The following STYXL1 variants were observed in gnomAD, a reference collection of about 807,000 sequenced individuals.
STYXL1 encodes serine/threonine/tyrosine interacting like 1.
Under a neutral mutation model 36.4 loss-of-function variants are expected in STYXL1, and 32 were observed. That is an observed-to-expected ratio of 0.88 (90% confidence interval 0.66 to 1.18). The LOEUF (loss-of-function observed/expected upper bound fraction) is 1.18. STYXL1 is among the 50% of genes most tolerant of loss of function. The probability of loss-of-function intolerance (pLI) is 0.00; values close to 1 mark genes in which losing one functional copy is unlikely to be tolerated. For synonymous variants in STYXL1, 133 were observed against 144.1 expected (o/e 0.92, Z 0.55); for missense variants, 354 against 394.1 (o/e 0.90, Z 0.86).
At position 76,017,866 on chromosome 7, in the gene STYXL1, C is replaced by CAAAAAAA. The variant is rs71082374; in HGVS notation, c.307+3978_308-3980dup. Among the ~76,000 whole-genome samples the CAAAAAAA allele has an allele frequency of 2.0e-3, 21 of 10,362 alleles. 3 individuals are homozygous for CAAAAAAA. Among genetic ancestry groups the CAAAAAAA allele is most frequent in the East Asian group, 0.015 (3 of 198 alleles). 6.8% of individuals were successfully genotyped at this position (10,362 alleles called of 152,430 possible). ...GGGCAACAAGAGCAAAACTCCATCT[C>CAAAAAAA]AAAAAAAAAAAAAAAGGCAAGACAG... On this transcript the variant is annotated intron_variant, in intron 4 of 8. Coordinates refer to ENST00000359697, the MANE Select transcript of STYXL1 (RefSeq NM_001317785.2).
Position 76,028,708 on chromosome 7 carries a change from A to T in STYXL1, c.104-5T>A, listed in dbSNP as rs548628025. On this transcript the variant is annotated splice_region_variant and splice_polypyrimidine_tract_variant and intron_variant, in intron 2 of 8. Transcript: ENST00000359697. ...ACTCCCATTTGGAACGGACATCTGG[A>T]AAGGAAACGTATTTAAGAACTGAAT... 1 of 1,614,010 alleles carries T rather than the reference A, an allele frequency of 6.2e-7. No homozygotes were observed. The highest frequency in any genetic ancestry group is 2.2e-5 in the East Asian group (1 of 44,888).
At chr7:76,014,176 T>A (rs930669268) in intron 4 of STYXL1, among the ~76,000 whole-genome samples, 1 of 151,772 alleles carries the variant, frequency 6.6e-6, no homozygotes, top group African/African-American at 2.4e-5. Flanking sequence ...GGTTTCACCA[T>A]GTTTGCCAGC....
chr7:76,026,759 AG>A (rs1449293974), intron 3 of STYXL1, among the ~76,000 whole-genome samples: 1 of 152,358 alleles, frequency 6.6e-6, no homozygotes, highest in East Asian at 1.9e-4. Context: ...CCAAAGAGAT[AG>A]AAAATAAACC....
At chr7:76,021,767 T>C (rs6467975) in intron 4 of STYXL1, 84 bp downstream of exon 4, 63,185 of 988,212 alleles carry the variant, frequency 0.064, 4,716 homozygotes, top group African/African-American at 0.3. Flanking sequence ...TCCCGTGCCA[T>C]GGGCATATGA....
intron 5 of STYXL1, among the ~76,000 whole-genome samples, chr7:76,009,728 T>C (rs528328166): frequency 6.6e-6 from 1 of 152,288 alleles, no homozygotes; most frequent in East Asian, 1.9e-4. Flanking sequence ...AATTTTTGTG[T>C]AAACAAGGTC....
chr7:76,035,076 C>T (rs1795788446), intron 1 of STYXL1, among the ~76,000 whole-genome samples: 1 of 150,184 alleles, frequency 6.7e-6, no homozygotes, highest in African/African-American at 2.4e-5. Context: ...CACCATGATC[C>T]ACCCAGTTGC....
intron 4 of STYXL1, among the ~76,000 whole-genome samples, chr7:76,014,166 G>A (rs1792964207): frequency 6.6e-6 from 1 of 151,610 alleles, no homozygotes; most frequent in Admixed American, 6.6e-5. Flanking sequence ...GTATAGACAG[G>A]GTTTCACCAT....
At chr7:76,032,702 A>G (rs1795505385) in intron 1 of STYXL1, among the ~76,000 whole-genome samples, 1 of 152,104 alleles carries the variant, frequency 6.6e-6, no homozygotes, top group South Asian at 2.1e-4. Flanking sequence ...TTTGTCTCAA[A>G]AAAACAAACA....
intron 3 of STYXL1, among the ~76,000 whole-genome samples, chr7:76,027,525 G>A (rs542560023): frequency 3.3e-5 from 5 of 151,706 alleles, no homozygotes; most frequent in Non-Finnish European, 5.9e-5. Context: ...TCAGGAGGCT[G>A]AGATAGGAGG....
intron 1 of STYXL1, chr7:76,044,748 C>T (rs1563531941): frequency 6.6e-6 from 1 of 152,270 alleles, no homozygotes; most frequent in Non-Finnish European, 1.5e-5. Flanking sequence ...TGCAGTGGCA[C>T]AATCATGGCT....
intron 1 of STYXL1, among the ~76,000 whole-genome samples, chr7:76,037,234 T>C (rs782504010): frequency 6.7e-6 from 1 of 150,354 alleles, no homozygotes; most frequent in Non-Finnish European, 1.5e-5. Flanking sequence ...TAAGCCACCA[T>C]GCCCAGCCCA....
chr7:75,999,698 C>A (rs1336602841), intron 8 of STYXL1, among the ~76,000 whole-genome samples: 1 of 151,974 alleles, frequency 6.6e-6, no homozygotes, highest in African/African-American at 2.4e-5. Flanking sequence ...CAGGCACGCA[C>A]CACCACGCCC....
chr7:76,036,782 C>CTTTTTTT (rs71082378), intron 1 of STYXL1, among the ~76,000 whole-genome samples: 1 of 101,614 alleles, frequency 9.8e-6, no homozygotes. Flanking sequence ...CAGTATAGCT[C>CTTTTTTT]TTTTTTTTTT....
chr7:76,003,700 T>C, intron 7 of STYXL1, 58 bp downstream of exon 7: 1 of 1,495,256 alleles, frequency 6.7e-7, no homozygotes. Context: ...GAGGCTCCAC[T>C]GCCCCTCTGC....
In STYXL1 at chr7:75,999,511, ATGTGTGTG is replaced by A. The variant is rs71301271; in HGVS notation, c.810+1371_810+1378del. ...TTTTGTTGTGTGTGTGTGTGTGTGT[ATGTGTGTG>A]TGTGTGTGTGTGTGTGTGTGTGTGT... On this transcript the variant is annotated intron_variant, in intron 8 of 8. Transcript: ENST00000359697. 4.2e-4 allele frequency among the ~76,000 whole-genome samples: 40 copies of A among 95,972 alleles called. No individual in the cohort carries two copies. The South Asian group carries it at 0.01, about 24-fold the overall frequency. The allele number at this position is 95,972 out of a possible 152,430, so 63.0% of individuals were successfully genotyped here. A position where few individuals can be genotyped will look rare whatever the true frequency, so the allele number is the denominator to read the frequency against.
intron 4 of STYXL1, among the ~76,000 whole-genome samples, chr7:76,014,543 G>A (rs1793013791): frequency 6.6e-6 from 1 of 151,800 alleles, no homozygotes; most frequent in Non-Finnish European, 1.5e-5. Context: ...TGTAGAGACA[G>A]TGTCTCACTT....
chr7:76,011,555 C>T (rs1428019399), intron 5 of STYXL1, among the ~76,000 whole-genome samples: 2 of 152,200 alleles, frequency 1.3e-5, no homozygotes, highest in South Asian at 2.1e-4. Context: ...AATCTGCTCA[C>T]GATGTTGCTA....
chr7:76,036,000 C>A lies in STYXL1; in HGVS notation c.-4-5473G>T, dbSNP rs1795872151. 1.3e-5 allele frequency among the ~76,000 whole-genome samples: 2 copies of A among 149,908 alleles called. 1 individual carries two copies. The highest frequency in any genetic ancestry group is 4.4e-4 in the South Asian group (2 of 4,550). The stretch of plus-strand genomic sequence containing the variant: ...GCATGATTCCAAGAGAAGATGCATC[C>A]CTGTGAACTGAAATTAGGGCACCTC... On this transcript the variant is annotated intron_variant, in intron 1 of 8. Coordinates refer to ENST00000359697, the MANE Select transcript of STYXL1 (RefSeq NM_001317785.2).
At chr7:76,033,091 G>A (rs1795547970) in intron 1 of STYXL1, among the ~76,000 whole-genome samples, 1 of 152,148 alleles carries the variant, frequency 6.6e-6, no homozygotes, top group African/African-American at 2.4e-5. Flanking sequence ...TGGCTCCTGG[G>A]CCCAATTGTT....
Sources: allele counts gnomAD v4.1 joint callset (sites outside exome capture counted in the v4.1 genomes callset), GRCh38; gene constraint gnomAD v4.1.1; transcripts MANE v1.5; gene names NCBI Gene and HGNC (gene_info 2026-07-23, HGNC 2026-07-21).